The following TP63 variants were observed in gnomAD, a reference collection of about 807,000 sequenced individuals.
The protein encoded by TP63 is tumor protein p63, also known as tumor protein 63.
Under a neutral mutation model 82.8 loss-of-function variants are expected in TP63, and 17 were observed. The observed-to-expected ratio is 0.21, with a 90% CI of 0.14 to 0.31. TP63 has a LOEUF of 0.31. TP63 is among the 10% of genes least tolerant of loss of function. TP63 has a pLI of 1.00. For synonymous variants in TP63, 330 were observed against 321.7 expected, an observed-to-expected ratio of 1.03 and a Z score of -0.28; for missense variants, 648 against 895.3, an observed-to-expected ratio of 0.72 and a Z score of 3.52.
At chr3:189,739,711 AATG>A (rs909599170) in intron 3 of TP63, among the ~76,000 whole-genome samples, 5 of 152,016 alleles carry the variant, frequency 3.3e-5, no homozygotes, top group African/African-American at 1.2e-4. Context: ...TTAATGGGTT[AATG>A]ATATTAAAAC....
intron 1 of TP63, among the ~76,000 whole-genome samples, chr3:189,656,423 A>G (rs1362137629): frequency 6.6e-6 from 1 of 152,176 alleles, no homozygotes; most frequent in Non-Finnish European, 1.5e-5. Flanking sequence ...CAAAGAAGGC[A>G]TAAGGGTATG....
intron 4 of TP63, among the ~76,000 whole-genome samples, chr3:189,813,301 G>A (rs1028389330): frequency 3.3e-5 from 5 of 152,152 alleles, no homozygotes; most frequent in Non-Finnish European, 4.4e-5. Flanking sequence ...ATAACCATAC[G>A]GCCATTAGAA....
At chr3:189,636,420 G>A (rs1729784436) in intron 1 of TP63, among the ~76,000 whole-genome samples, 1 of 152,040 alleles carries the variant, frequency 6.6e-6, no homozygotes, top group African/African-American at 2.4e-5. Flanking sequence ...TTCACAACTA[G>A]AACTTTGAGA....
rs368024301 is a variant in TP63, at chr3:189,710,208, G to C, written c.63-27532G>C. ...ACTGTGTCCCTTGTAAGTATAGTTT[G>C]TCAGGTAACCCTCCTAACAGGCCTA... On this transcript the variant is annotated intron_variant, in intron 1 of 13. Transcript: ENST00000264731. Among the ~76,000 whole-genome samples the C allele has an allele frequency of 9.9e-5, 15 of 152,282 alleles. No individual in the cohort carries two copies. In the South Asian group the frequency reaches 2.9e-3, roughly 29 times the overall value.
chr3:189,598,144 A>G, the TP63 span, among the ~76,000 whole-genome samples: 2 of 152,120 alleles, frequency 1.3e-5, no homozygotes, highest in East Asian at 3.8e-4. Context: ...ACACTGAAGC[A>G]GTAAAAAGAA....
intron 4 of TP63, among the ~76,000 whole-genome samples, chr3:189,825,936 C>T (rs533396339): frequency 6.6e-6 from 1 of 152,272 alleles, no homozygotes; most frequent in Middle Eastern, 3.4e-3. Flanking sequence ...CCACCCTTCC[C>T]CCTCCTTCTC....
intron 4 of TP63, among the ~76,000 whole-genome samples, chr3:189,818,241 G>C (rs1189029937): frequency 6.6e-6 from 1 of 151,850 alleles, no homozygotes; most frequent in Admixed American, 6.6e-5. Flanking sequence ...CATAAGAACA[G>C]TGTCATAATT....
At position 189,675,815 on chromosome 3, in the gene TP63, C is replaced by G. The variant is rs1715343163; in HGVS notation, c.62+44238C>G. Among the ~76,000 whole-genome samples the G allele has an allele frequency of 2.0e-5, 3 of 152,222 alleles. No individual in the cohort carries two copies. In the South Asian group the frequency reaches 6.2e-4, roughly 32 times the overall value. ...TCTGCTGTTCTCCTAAATGTTATCC[C>G]ATTTAAGAGGCTACAGACAGAGGCT... is the stretch of plus-strand genomic sequence containing the variant. On this transcript the variant is annotated intron_variant, in intron 1 of 13. Coordinates refer to ENST00000264731, the MANE Select transcript of TP63 (RefSeq NM_003722.5).
At position 189,868,702 on chromosome 3, in the gene TP63, A is replaced by T; in HGVS notation, c.1115A>T (p.Asp372Val). The T allele has an allele frequency of 6.2e-7, 1 of 1,614,064 alleles. No individual in the cohort carries two copies. Among genetic ancestry groups the T allele is most frequent in the Non-Finnish European group, 8.5e-7 (1 of 1,179,976 alleles). ...GTTTCGGACAGTACAAAGAACGGTG[A>T]TGGTACGAAGCGCCGTAAGTAGATG... ...QQVSDSTKNG[D>V]GTKRPFRQNT... is the part of the protein sequence containing the mutation. Residue 372 changes from aspartate to valine, a missense_variant, in exon 8 of 14, where the codon GAT (aspartate) becomes GTT (valine). Asp to Val is a radical substitution (Grantham distance 152). Transcript: ENST00000264731.
chr3:189,849,034 A>T (rs1281272973), intron 4 of TP63, among the ~76,000 whole-genome samples: 4 of 152,222 alleles, frequency 2.6e-5, no homozygotes, highest in Non-Finnish European at 4.4e-5. Context: ...TGGTTTAATC[A>T]ATCATGGCTA....
Position 189,834,407 on chromosome 3 carries a change from G to A in TP63, c.579+25881G>A, listed in dbSNP as rs527695275. 7.6e-4 allele frequency among the ~76,000 whole-genome samples: 116 copies of A among 152,096 alleles called. 1 individual carries two copies. Among genetic ancestry groups the A allele is most frequent in the Non-Finnish European group, 1.4e-3 (93 of 68,016 alleles). On this transcript the variant is annotated intron_variant, in intron 4 of 13. Coordinates refer to ENST00000264731, the MANE Select transcript of TP63 (RefSeq NM_003722.5). ...ATTAATATGATTTTTGGAAAACATAGATTCTTATGCTTATGCACTTGCTAA... is the reference window on the plus strand; with the variant it reads ...ATTAATATGATTTTTGGAAAACATAAATTCTTATGCTTATGCACTTGCTAA...
chr3:189,726,976 A>G (rs1283583922), intron 1 of TP63, among the ~76,000 whole-genome samples: 1 of 152,236 alleles, frequency 6.6e-6, no homozygotes. Context: ...GCTCAAAAGC[A>G]GCCATATACC....
In TP63 at chr3:189,730,653, T is replaced by A. The variant is rs1720097074; in HGVS notation, c.63-7087T>A. On this transcript the variant is annotated intron_variant, in intron 1 of 13. Coordinates refer to ENST00000264731, the MANE Select transcript of TP63 (RefSeq NM_003722.5). Reference sequence around the variant, plus strand: ...ACATTTTGTGAGGTCCTCAAAGGTTTATACCTATTTGTGATCCCATCCTCC... The same window carrying A: ...ACATTTTGTGAGGTCCTCAAAGGTTAATACCTATTTGTGATCCCATCCTCC... Among the ~76,000 whole-genome samples, 5 of 152,224 alleles carry A rather than the reference T, an allele frequency of 3.3e-5. No individual in the cohort carries two copies. In the South Asian group the frequency reaches 6.2e-4, roughly 19 times the overall value.
chr3:189,865,225 G>A (rs1027781516), intron 5 of TP63, among the ~76,000 whole-genome samples: 2 of 152,010 alleles, frequency 1.3e-5, no homozygotes, highest in South Asian at 2.1e-4. Context: ...AAGATGAGAA[G>A]GCAAGTAATG....
At chr3:189,875,626 A>ATATATG (rs1719060975) in intron 10 of TP63, among the ~76,000 whole-genome samples, 1 of 122,138 alleles carries the variant, frequency 8.2e-6, no homozygotes, top group Non-Finnish European at 1.7e-5. Flanking sequence ...ATATATATAT[A>ATATATG]TATATATATA....
intron 4 of TP63, among the ~76,000 whole-genome samples, chr3:189,840,850 CAGTCTCCAAAAAAAAAAA>C (rs1348017028): frequency 1.0e-5 from 1 of 99,280 alleles, no homozygotes; most frequent in African/African-American, 4.0e-5. Context: ...GAGCAAGACT[CAGTCTCCAAAAAAAAAAA>C]AAAAAAAAAA....
chr3:189,807,718 G>A (rs1577001916), intron 3 of TP63, among the ~76,000 whole-genome samples: 3 of 152,196 alleles, frequency 2.0e-5, no homozygotes, highest in African/African-American at 7.2e-5. Flanking sequence ...TGTGAAACCA[G>A]TCCTTAGGGG....
chr3:189,829,615 G>A (rs1426169051), intron 4 of TP63, among the ~76,000 whole-genome samples: 1 of 152,296 alleles, frequency 6.6e-6, no homozygotes, highest in Non-Finnish European at 1.5e-5. Context: ...ACTAGATTTG[G>A]AGGAGCAGGG....
intron 1 of TP63, among the ~76,000 whole-genome samples, chr3:189,631,995 CCAAA>C (rs1729489810): frequency 1.3e-5 from 2 of 152,026 alleles, no homozygotes; most frequent in South Asian, 4.1e-4. Flanking sequence ...CATTGTTGTA[CCAAA>C]CAGATTGTGG....
Sources: gnomAD v4.1 joint callset for allele counts (sites outside exome capture counted in the v4.1 genomes callset) on GRCh38, gnomAD v4.1.1 for gene constraint, MANE v1.5 for transcripts, NCBI Gene and HGNC (gene_info 2026-07-23, HGNC 2026-07-21) for gene names.